MKLN1: variants seen among roughly 807,000 people sequenced by gnomAD.
MKLN1 encodes the protein muskelin 1.
MKLN1 carries 18 observed loss-of-function variants against 99.0 expected under a neutral mutation model. That is an observed-to-expected ratio of 0.18 (90% confidence interval 0.13 to 0.27). The LOEUF is 0.27. MKLN1 is among the 10% of genes least tolerant of loss of function. MKLN1 has a pLI of 1.00. For missense variants in MKLN1, 621 were observed against 875.9 expected (o/e 0.71, Z 3.67); for synonymous variants, 288 against 293.2 (o/e 0.98, Z 0.18).
At chr7:131,213,927 A>G (rs1371482965) in intron 3 of MKLN1, among the ~76,000 whole-genome samples, 1 of 152,022 alleles carries the variant, frequency 6.6e-6, no homozygotes, top group Non-Finnish European at 1.5e-5. Flanking sequence ...TCTCTTTTTT[A>G]AAGTGGTAAA....
chr7:131,154,136 A>G (rs1795931034), intron 2 of MKLN1, among the ~76,000 whole-genome samples: 1 of 152,326 alleles, frequency 6.6e-6, no homozygotes, highest in South Asian at 2.1e-4. Context: ...ATGTAAATAC[A>G]TTTGCTTATA....
At chr7:131,398,872 C>T (rs747414160) in intron 5 of MKLN1, among the ~76,000 whole-genome samples, 12 of 152,082 alleles carry the variant, frequency 7.9e-5, no homozygotes, top group Non-Finnish European at 1.6e-4. Flanking sequence ...TTCTTTTGTG[C>T]TCTCAGTACC....
At chr7:131,174,506 C>T (rs767515768) in intron 2 of MKLN1, among the ~76,000 whole-genome samples, 9 of 152,178 alleles carry the variant, frequency 5.9e-5, no homozygotes, top group Non-Finnish European at 1.3e-4. Flanking sequence ...AACCCGTTTT[C>T]TCTTCTTAAT....
At chr7:131,382,555 T>C (rs909152951) in intron 2 of MKLN1, among the ~76,000 whole-genome samples, 3 of 152,198 alleles carry the variant, frequency 2.0e-5, no homozygotes, top group African/African-American at 7.2e-5. Context: ...GTTCTGTGTA[T>C]GTTTTGTATT....
intron 3 of MKLN1, among the ~76,000 whole-genome samples, chr7:131,213,094 C>T (rs1796931018): frequency 6.6e-6 from 1 of 151,996 alleles, no homozygotes; most frequent in African/African-American, 2.4e-5. Context: ...TAACCATTAT[C>T]TGGAAGTTGC....
chr7:131,400,154 A>G (rs1794490451), intron 6 of MKLN1, among the ~76,000 whole-genome samples: 1 of 152,028 alleles, frequency 6.6e-6, no homozygotes, highest in Non-Finnish European at 1.5e-5. Flanking sequence ...TGCATCCTTT[A>G]TAGGAAGAAA....
chr7:131,162,747 A>G (rs1796073492), intron 2 of MKLN1, among the ~76,000 whole-genome samples: 1 of 152,240 alleles, frequency 6.6e-6, no homozygotes, highest in Admixed American at 6.5e-5. Context: ...TACGTGTGAA[A>G]TACACATTGG....
chr7:131,478,189 G>A (rs1797017894), intron 16 of MKLN1, among the ~76,000 whole-genome samples: 1 of 152,152 alleles, frequency 6.6e-6, no homozygotes. Flanking sequence ...GATTTACACA[G>A]CTGAGACATC....
chr7:131,334,527 C>T (rs551857107), intron 1 of MKLN1, among the ~76,000 whole-genome samples: 2 of 152,160 alleles, frequency 1.3e-5, no homozygotes, highest in Non-Finnish European at 1.5e-5. Context: ...CTTTTCTGAG[C>T]GTCAGTTTCT....
chr7:131,330,741 C>T (rs1386494744), intron 1 of MKLN1, among the ~76,000 whole-genome samples: 1 of 152,134 alleles, frequency 6.6e-6, no homozygotes, highest in African/African-American at 2.4e-5. Context: ...ACAATTTTAT[C>T]TCTATTTTCT....
intron 3 of MKLN1, among the ~76,000 whole-genome samples, chr7:131,275,649 T>C: frequency 7.0e-6 from 1 of 142,262 alleles, no homozygotes; most frequent in Admixed American, 7.4e-5. Flanking sequence ...CAGGCTGGTC[T>C]CAAACTCCTG....
intron 8 of MKLN1, among the ~76,000 whole-genome samples, chr7:131,417,945 A>C (rs1694021518): frequency 6.6e-6 from 1 of 152,244 alleles, no homozygotes; most frequent in African/African-American, 2.4e-5. Context: ...CATTCTTTTT[A>C]GGAAAAGAAC....
chr7:131,279,703 G>A (rs983159380), intron 3 of MKLN1, among the ~76,000 whole-genome samples: 1 of 152,170 alleles, frequency 6.6e-6, no homozygotes, highest in African/African-American at 2.4e-5. Flanking sequence ...CTACTCGGGA[G>A]GTGGAGGTGG....
At chr7:131,242,479 TG>T (rs900155818) in intron 3 of MKLN1, 1 of 232,296 alleles carries the variant, frequency 4.3e-6, no homozygotes, top group African/African-American at 2.3e-5. Context: ...GAGACTAAAG[TG>T]AGCTGTGATT....
chr7:131,374,490 A>T (rs189069199), intron 1 of MKLN1, among the ~76,000 whole-genome samples: 7 of 152,180 alleles, frequency 4.6e-5, no homozygotes, highest in African/African-American at 1.7e-4. Context: ...CCTAACTGTA[A>T]CATCCCCCTA....
chr7:131,240,468 T>A (rs911104102), intron 3 of MKLN1, among the ~76,000 whole-genome samples: 2 of 151,398 alleles, frequency 1.3e-5, no homozygotes, highest in African/African-American at 2.4e-5. Context: ...CGTTTAAAAA[T>A]TTTTTCTCCT....
intron 9 of MKLN1, among the ~76,000 whole-genome samples, chr7:131,429,778 C>T (rs1476359055): frequency 2.6e-5 from 4 of 152,162 alleles, no homozygotes; most frequent in Admixed American, 2.0e-4. Flanking sequence ...GACGGGGTTT[C>T]ACCATGTTAA....
intron 10 of MKLN1, among the ~76,000 whole-genome samples, chr7:131,439,124 C>T (rs1795755687): frequency 6.6e-6 from 1 of 152,134 alleles, no homozygotes. Flanking sequence ...CTATGCACAT[C>T]CCTGCTGACA....
intron 17 of MKLN1, among the ~76,000 whole-genome samples, chr7:131,483,582 A>G (rs908884398): frequency 2.6e-5 from 4 of 152,236 alleles, no homozygotes; most frequent in Non-Finnish European, 4.4e-5. Flanking sequence ...TCATACCTGA[A>G]CCAAGCTTAT....
Sources: gnomAD v4.1 joint callset for allele counts (sites outside exome capture counted in the v4.1 genomes callset) on GRCh38, gnomAD v4.1.1 for gene constraint, MANE v1.5 for transcripts, NCBI Gene and HGNC (gene_info 2026-07-23, HGNC 2026-07-21) for gene names.